The following RBFOX1 variants were observed in gnomAD, a reference collection of about 807,000 sequenced individuals.
RBFOX1 encodes the protein RNA binding protein fox-1 homolog 1.
In RBFOX1, 8 loss-of-function variants were observed where a neutral mutation model predicts 57.7. That is an observed-to-expected ratio of 0.14 (90% confidence interval 0.08 to 0.25). The LOEUF is 0.25. RBFOX1 is among the 10% of genes least tolerant of loss of function. RBFOX1 has a pLI of 1.00. For missense variants in RBFOX1, 611 were observed against 548.5 expected, an observed-to-expected ratio of 1.11 and a Z score of -1.14; for synonymous variants, 326 against 222.4, an observed-to-expected ratio of 1.47 and a Z score of -4.15.
At chr16:6,881,461 G>A (rs561692430) in intron 3 of RBFOX1, among the ~76,000 whole-genome samples, 5 of 152,108 alleles carry the variant, frequency 3.3e-5, no homozygotes, top group Non-Finnish European at 5.9e-5. Flanking sequence ...TCTGCTGCAG[G>A]CCTATCCGTG....
intron 3 of RBFOX1, among the ~76,000 whole-genome samples, chr16:6,915,736 G>C (rs1013321965): frequency 6.6e-6 from 1 of 151,928 alleles, no homozygotes; most frequent in Non-Finnish European, 1.5e-5. Context: ...ACTTTTTGTA[G>C]AGACAGGGTT....
chr16:6,796,413 C>T (rs1053795891), intron 3 of RBFOX1, among the ~76,000 whole-genome samples: 10 of 152,032 alleles, frequency 6.6e-5, no homozygotes, highest in African/African-American at 1.4e-4. Flanking sequence ...AACTTGAGCC[C>T]GATTCCTTAA....
At position 5,978,678 on chromosome 16, in the gene RBFOX1, GT is replaced by G. The variant is rs796277829; in HGVS notation, c.351+111354del. On this transcript the variant is annotated intron_variant, in intron 4 of 19. Coordinates refer to the RBFOX1 transcript ENST00000641259. ...AAGTGTTTTTTTTGTTTTTTTGTTT[GT>G]TTTTTTTTTTGTTGTTGTTGTTTTT... 6.1e-3 allele frequency among the ~76,000 whole-genome samples: 856 copies of G among 141,370 alleles called. 7 individuals are homozygous for G. The highest frequency in any genetic ancestry group is 0.01 in the Admixed American group (140 of 13,858). 92.7% of individuals were successfully genotyped at this position (141,370 alleles called of 152,430 possible).
chr16:7,454,219 C>T (rs866971739), intron 4 of RBFOX1, among the ~76,000 whole-genome samples: 9 of 152,046 alleles, frequency 5.9e-5, no homozygotes, highest in African/African-American at 1.2e-4. Flanking sequence ...GGCAGGAGGG[C>T]GAGACTCCGT....
At chr16:6,167,197 C>T (rs1270606529) in intron 1 of RBFOX1, among the ~76,000 whole-genome samples, 1 of 152,232 alleles carries the variant, frequency 6.6e-6, no homozygotes, top group Admixed American at 6.5e-5. Flanking sequence ...AACACGCATG[C>T]GTGATGTTCA....
chr16:7,201,059 C>T (rs561511578), intron 4 of RBFOX1, among the ~76,000 whole-genome samples: 3 of 152,210 alleles, frequency 2.0e-5, no homozygotes, highest in Admixed American at 2.0e-4. Context: ...TTTATGAGAT[C>T]AGTGTGGGAA....
rs528765297 is a variant in RBFOX1, at chr16:5,978,096, G to T, written c.351+110761G>T. Among the ~76,000 whole-genome samples the T allele has an allele frequency of 3.2e-5, 4 of 125,022 alleles. No individual in the cohort carries two copies. In the East Asian group the frequency reaches 1.0e-3, roughly 32 times the overall value. The allele number at this position is 125,022 out of a possible 152,430, so 82.0% of individuals were successfully genotyped here. A position where few individuals can be genotyped will look rare whatever the true frequency, so the allele number is the denominator to read the frequency against. On this transcript the variant is annotated intron_variant, in intron 4 of 19. Coordinates refer to the RBFOX1 transcript ENST00000641259. ...TTGCAGGGCAGGAGTTTAAGACCAG[G>T]CTGGGCATCCTAGGGAGAATCCTGT...
At chr16:7,132,030 T>G (rs910882478) in intron 4 of RBFOX1, among the ~76,000 whole-genome samples, 1 of 148,802 alleles carries the variant, frequency 6.7e-6, no homozygotes, top group Non-Finnish European at 1.5e-5. Context: ...GTCATTCTGT[T>G]ACCCAGACTA....
chr16:5,845,651 C>T (rs570610757), intron 3 of RBFOX1, among the ~76,000 whole-genome samples: 11 of 152,274 alleles, frequency 7.2e-5, no homozygotes, highest in African/African-American at 1.9e-4. Flanking sequence ...AAGCCACTGC[C>T]AAATGTGGTT....
At chr16:5,514,552 C>G (rs964368321) in intron 2 of RBFOX1, among the ~76,000 whole-genome samples, 2 of 152,134 alleles carry the variant, frequency 1.3e-5, no homozygotes, top group Admixed American at 6.5e-5. Flanking sequence ...TGTGGGTACA[C>G]GAAGGAACAG....
chr16:5,959,148 G>T (rs2059702261), intron 4 of RBFOX1, among the ~76,000 whole-genome samples: 1 of 152,198 alleles, frequency 6.6e-6, no homozygotes. Context: ...AGGACAGACT[G>T]CCCATCCTGT....
chr16:7,702,744 G>A (rs2081170541), intron 14 of RBFOX1, among the ~76,000 whole-genome samples: 1 of 152,184 alleles, frequency 6.6e-6, no homozygotes, highest in African/African-American at 2.4e-5. Flanking sequence ...GGTCTGGAAT[G>A]TATGTTCCAG....
intron 3 of RBFOX1, among the ~76,000 whole-genome samples, chr16:5,731,209 A>C (rs1423081974): frequency 6.6e-6 from 1 of 150,938 alleles, no homozygotes. Context: ...GTTATCATCA[A>C]GATCATCAAC....
At position 6,561,052 on chromosome 16, in the gene RBFOX1, G is replaced by A. The variant is rs182970852; in HGVS notation, c.-63-93551G>A. Among the ~76,000 whole-genome samples the A allele has an allele frequency of 2.6e-3, 390 of 152,278 alleles. 5 individuals are homozygous for A. In the South Asian group the frequency reaches 0.03, roughly 12 times the overall value. The stretch of plus-strand genomic sequence containing the variant: ...ACCACAGGCTTAAGTTGAATTATCT[G>A]CTTAATTGTTGCTATGTGCAGCTGT... On this transcript the variant is annotated intron_variant, in intron 2 of 15. Coordinates refer to ENST00000550418, the MANE Select transcript of RBFOX1 (RefSeq NM_018723.4).
chr16:5,820,501 C>T (rs1172372079), intron 3 of RBFOX1, among the ~76,000 whole-genome samples: 1 of 152,114 alleles, frequency 6.6e-6, no homozygotes, highest in Non-Finnish European at 1.5e-5. Flanking sequence ...ACGTTTCTAG[C>T]CACAAGGGAG....
intron 1 of RBFOX1, among the ~76,000 whole-genome samples, chr16:5,426,211 G>C (rs1397833021): frequency 6.6e-6 from 1 of 152,176 alleles, no homozygotes; most frequent in Non-Finnish European, 1.5e-5. Flanking sequence ...GTTTGGACTT[G>C]TGTGGAGTGG....
At chr16:5,419,908 C>T (rs544924170) in intron 1 of RBFOX1, among the ~76,000 whole-genome samples, 8 of 152,212 alleles carry the variant, frequency 5.3e-5, no homozygotes, top group African/African-American at 1.9e-4. Flanking sequence ...GGACCCTGGT[C>T]TTGCAGCCAC....
chr16:7,334,498 T>G (rs1298817669), intron 4 of RBFOX1, among the ~76,000 whole-genome samples: 2 of 152,128 alleles, frequency 1.3e-5, no homozygotes, highest in African/African-American at 4.8e-5. Flanking sequence ...GATAAATAAT[T>G]ACAGGCAAAT....
chr16:6,986,364 A>G (rs1406191672), intron 3 of RBFOX1, among the ~76,000 whole-genome samples: 1 of 151,630 alleles, frequency 6.6e-6, no homozygotes, highest in Admixed American at 6.6e-5. Flanking sequence ...ATGTCTGGCT[A>G]ATTTTCCTGT....
Sources: allele counts gnomAD v4.1 joint callset (sites outside exome capture counted in the v4.1 genomes callset), GRCh38; gene constraint gnomAD v4.1.1; transcripts MANE v1.5; gene names NCBI Gene and HGNC (gene_info 2026-07-23, HGNC 2026-07-21).